COL13A1: variants seen among roughly 807,000 people sequenced by gnomAD.
COL13A1 encodes the protein collagen alpha-1(XIII) chain.
Under a neutral mutation model 130.9 loss-of-function variants are expected in COL13A1, and 89 were observed. That is an observed-to-expected ratio of 0.68 (90% confidence interval 0.57 to 0.81). The LOEUF (loss-of-function observed/expected upper bound fraction) is 0.81, where lower values mean the gene tolerates loss of function less well. COL13A1 is among the 30% of genes least tolerant of loss of function. COL13A1 has a pLI of 0.00. For synonymous variants in COL13A1, 402 were observed against 341.6 expected (o/e 1.18, Z -1.95); for missense variants, 879 against 934.6 (o/e 0.94, Z 0.78).
At chr10:69,953,080 C>A in intron 39 of COL13A1, 112 bp downstream of exon 39, 1 of 689,038 alleles carries the variant, frequency 1.5e-6, no homozygotes, top group Non-Finnish European at 2.2e-6. Context: ...TACACGGATG[C>A]TACCAAAATC....
intron 12 of COL13A1, 110 bp downstream of exon 12, chr10:69,894,811 C>A (rs1289707702): frequency 1.4e-6 from 2 of 1,429,172 alleles, no homozygotes; most frequent in Middle Eastern, 2.1e-4. Flanking sequence ...ATTGACAGAA[C>A]CAGGAAAGCC....
intron 39 of COL13A1, chr10:69,955,603 G>A (rs3750778): frequency 0.32 from 48,150 of 152,126 alleles, 7,910 homozygotes; most frequent in East Asian, 0.43. Context: ...TCTCCCTCCC[G>A]GCATCCATGT....
chr10:69,928,632 G>A (rs1203714811), intron 27 of COL13A1, among the ~76,000 whole-genome samples: 1 of 152,146 alleles, frequency 6.6e-6, no homozygotes, highest in African/African-American at 2.4e-5. Context: ...TCATTATTGG[G>A]GAAGGTCAGA....
At chr10:69,924,553 G>A (rs2065098658) in intron 24 of COL13A1, among the ~76,000 whole-genome samples, 1 of 151,626 alleles carries the variant, frequency 6.6e-6, no homozygotes, top group Non-Finnish European at 1.5e-5. Context: ...AAAGAACTGT[G>A]TGGGCTCTCG....
Position 69,880,527 on chromosome 10 carries a change from T to C in COL13A1, c.487T>C (p.Ser163Pro), listed in dbSNP as rs748654164. 1 of 1,613,536 alleles carries C rather than the reference T, an allele frequency of 6.2e-7. No homozygotes were observed. The highest frequency in any genetic ancestry group is 8.5e-7 in the Non-Finnish European group (1 of 1,179,662). ...GGGGTCCCCCGGAGACGCTGGGCTGTCCATCATTGGTCCCCGCGGCCCCCC... is the reference window on the plus strand; with the variant it reads ...GGGGTCCCCCGGAGACGCTGGGCTGCCCATCATTGGTCCCCGCGGCCCCCC... ...EKGSPGDAGLSIIGPRGPPGQ... is the reference protein window; with the variant it reads ...EKGSPGDAGLPIIGPRGPPGQ... The change falls in exon 7 of 41, where the codon TCC becomes CCC. Residue 163 changes from serine (S) to proline (P), a missense_variant. Ser to Pro is a moderately conservative substitution (Grantham distance 74). Coordinates refer to ENST00000645393, the MANE Select transcript of COL13A1 (RefSeq NM_001368882.1).
At chr10:69,807,093 T>C (rs919045229) in intron 1 of COL13A1, among the ~76,000 whole-genome samples, 10 of 152,116 alleles carry the variant, frequency 6.6e-5, no homozygotes, top group African/African-American at 2.4e-4. Context: ...ACCTTTAAGG[T>C]GAGTTTTGAG....
In COL13A1 at chr10:69,820,228, T is replaced by C. The variant is rs554650907; in HGVS notation, c.295-2141T>C. 2.6e-5 allele frequency among the ~76,000 whole-genome samples: 4 copies of C among 152,332 alleles called. No individual in the cohort carries two copies. The South Asian group carries it at 8.3e-4, about 32-fold the overall frequency. On this transcript the variant is annotated intron_variant, in intron 1 of 40. Transcript: ENST00000645393. ...TTGATTTTTTTCTTCCACAAGAAGT[T>C]ATGCCCCTCTAGGGGTGTGCCCCAT... is the stretch of plus-strand genomic sequence containing the variant.
chr10:69,869,283 C>T (rs2058828297), intron 3 of COL13A1, among the ~76,000 whole-genome samples: 2 of 152,350 alleles, frequency 1.3e-5, no homozygotes, highest in Admixed American at 6.5e-5. Flanking sequence ...GCCCAGGTAG[C>T]TTTCCCCACA....
At chr10:69,942,306 T>C (rs950929987) in intron 35 of COL13A1, among the ~76,000 whole-genome samples, 3 of 152,210 alleles carry the variant, frequency 2.0e-5, no homozygotes, top group Non-Finnish European at 4.4e-5. Context: ...AACCCTTACA[T>C]GCAGAGAGCA....
intron 2 of COL13A1, among the ~76,000 whole-genome samples, chr10:69,835,124 G>C (rs971549957): frequency 6.6e-6 from 1 of 152,150 alleles, no homozygotes; most frequent in African/African-American, 2.4e-5. Flanking sequence ...AGCACACATG[G>C]GTGCTGTGCA....
At chr10:69,892,604 A>G (rs1030368150) in intron 10 of COL13A1, among the ~76,000 whole-genome samples, 4 of 152,146 alleles carry the variant, frequency 2.6e-5, no homozygotes, top group African/African-American at 9.7e-5. Flanking sequence ...GGCACCCGAG[A>G]AGCAGACAGG....
intron 1 of COL13A1, among the ~76,000 whole-genome samples, chr10:69,807,899 C>G (rs1158091147): frequency 1.3e-5 from 2 of 152,208 alleles, no homozygotes; most frequent in Non-Finnish European, 2.9e-5. Context: ...TTCCAGGGCC[C>G]TCAGCAGACA....
Position 69,937,618 on chromosome 10 carries a change from C to T in COL13A1, c.1798-17C>T. Reference sequence around the variant, plus strand: ...ACATGTCCTTGTGTGATCTCGTCCCCTCTCCCTTTCCTCCAGGGGGAAGCA... The same window carrying T: ...ACATGTCCTTGTGTGATCTCGTCCCTTCTCCCTTTCCTCCAGGGGGAAGCA... On this transcript the variant is annotated splice_polypyrimidine_tract_variant and intron_variant, in intron 33 of 40. Coordinates refer to ENST00000645393, the MANE Select transcript of COL13A1 (RefSeq NM_001368882.1). The T allele has an allele frequency of 7.9e-7, 1 of 1,271,502 alleles. No individual in the cohort carries two copies. Among genetic ancestry groups the T allele is most frequent in the Non-Finnish European group, 1.2e-6 (1 of 868,358 alleles). The allele number at this position is 1,271,502 out of a possible 1,614,324, so 78.8% of individuals were successfully genotyped here.
At chr10:69,922,317 C>T (rs1247721831) in intron 22 of COL13A1, among the ~76,000 whole-genome samples, 1 of 152,150 alleles carries the variant, frequency 6.6e-6, no homozygotes, top group Non-Finnish European at 1.5e-5. Flanking sequence ...CAGTGCTCCT[C>T]AGCCTGTTAG....
At chr10:69,898,062 G>A (rs922685419) in intron 13 of COL13A1, among the ~76,000 whole-genome samples, 1 of 152,102 alleles carries the variant, frequency 6.6e-6, no homozygotes, top group African/African-American at 2.4e-5. Context: ...ATGTGCCCAC[G>A]CTGGCCTCAC....
rs1440366189 is a variant in COL13A1, at chr10:69,851,870, G to T, written c.365-15928G>T. Reference sequence around the variant, plus strand: ...GGGTTTTGCCACGTTGGCCAGGCTGGTCTAGAACTTCTGACCTCAGGTGAT... The same window carrying T: ...GGGTTTTGCCACGTTGGCCAGGCTGTTCTAGAACTTCTGACCTCAGGTGAT... On this transcript the variant is annotated intron_variant, in intron 2 of 40. Transcript: ENST00000645393. Among the ~76,000 whole-genome samples the T allele has an allele frequency of 2.6e-5, 4 of 152,152 alleles. No individual in the cohort carries two copies. In the South Asian group the frequency reaches 6.2e-4, roughly 24 times the overall value.
chr10:69,937,076 C>A (rs4746933), intron 33 of COL13A1, among the ~76,000 whole-genome samples: 1 of 152,014 alleles, frequency 6.6e-6, no homozygotes, highest in Non-Finnish European at 1.5e-5. Flanking sequence ...TCACTCATGC[C>A]GAGTAGAGGT....
chr10:69,891,848 G>A lies in COL13A1; in HGVS notation c.603+2408G>A, dbSNP rs536606655. On this transcript the variant is annotated intron_variant, in intron 10 of 40. Transcript: ENST00000645393. Reference sequence around the variant, plus strand: ...TCATGAGAGGGGAAATTGAGGCACAGAGTGGCTAAGTACATTGCCTGAGGC... The same window carrying A: ...TCATGAGAGGGGAAATTGAGGCACAAAGTGGCTAAGTACATTGCCTGAGGC... Among the ~76,000 whole-genome samples the A allele has an allele frequency of 7.9e-5, 12 of 152,310 alleles. No homozygotes were observed. The East Asian group carries it at 2.1e-3, about 27-fold the overall frequency.
chr10:69,865,884 C>G (rs1372946372), intron 2 of COL13A1, among the ~76,000 whole-genome samples: 1 of 152,100 alleles, frequency 6.6e-6, no homozygotes, highest in East Asian at 1.9e-4. Context: ...AGAGAAGGGT[C>G]CAGAGCTCTA....
Sources: gnomAD v4.1 joint callset for allele counts (sites outside exome capture counted in the v4.1 genomes callset) on GRCh38, gnomAD v4.1.1 for gene constraint, MANE v1.5 for transcripts, NCBI Gene and HGNC (gene_info 2026-07-23, HGNC 2026-07-21) for gene names.